Variants in SH3GL1 observed in about 807,000 individuals in gnomAD.
SH3GL1 encodes the protein SH3 domain containing GRB2 like 1, endophilin A2.
A neutral mutation model predicts 48.8 loss-of-function variants in SH3GL1; 21 were observed. The ratio of observed to expected loss-of-function variants is 0.43; its 90% CI spans 0.30 to 0.62. The LOEUF (loss-of-function observed/expected upper bound fraction) is 0.62, where lower values mean the gene tolerates loss of function less well. Ranked by LOEUF, SH3GL1 falls within the 20% of genes least tolerant of loss-of-function variation. The pLI is 0.11. For missense variants in SH3GL1, 454 were observed against 503.0 expected, an observed-to-expected ratio of 0.90 and a Z score of 0.93; for synonymous variants, 282 against 217.5, an observed-to-expected ratio of 1.30 and a Z score of -2.61.
rs979350496 is a variant in SH3GL1, at chr19:4,362,809, G to A, written c.729-73C>T. 4 of 1,605,252 alleles carry A rather than the reference G, an allele frequency of 2.5e-6. No individual in the cohort carries two copies. The African/African-American group carries it at 5.3e-5, about 21-fold the overall frequency. On this transcript the variant is annotated intron_variant, in intron 7 of 9. Coordinates refer to ENST00000269886, the MANE Select transcript of SH3GL1 (RefSeq NM_003025.4). ...GCAGCCCCACTCTTGTATTTATGCT[G>A]CTGCCTAATGACCTGGCCTGGGACT...
intron 1 of SH3GL1, among the ~76,000 whole-genome samples, chr19:4,387,720 T>C (rs1233316608): frequency 6.6e-6 from 1 of 152,144 alleles, no homozygotes; most frequent in Non-Finnish European, 1.5e-5. Context: ...TGTGTTGTTT[T>C]GTTTTTGAGG....
chr19:4,374,147 T>C (rs1383215463), intron 1 of SH3GL1, among the ~76,000 whole-genome samples: 3 of 152,170 alleles, frequency 2.0e-5, no homozygotes, highest in Non-Finnish European at 4.4e-5. Flanking sequence ...ATCCTCCAGA[T>C]GGGCCCTGGA....
intron 1 of SH3GL1, among the ~76,000 whole-genome samples, chr19:4,369,820 C>T (rs981355644): frequency 3.9e-5 from 6 of 152,388 alleles, no homozygotes; most frequent in Middle Eastern, 3.4e-3. Context: ...TGGTCCCCCA[C>T]GGGCCAGGCA....
At chr19:4,377,187 A>C (rs1012878952) in intron 1 of SH3GL1, among the ~76,000 whole-genome samples, 1 of 152,328 alleles carries the variant, frequency 6.6e-6, no homozygotes, top group Non-Finnish European at 1.5e-5. Flanking sequence ...GGACCCAGCT[A>C]CCACATTTGG....
At chr19:4,372,875 C>T (rs754018158) in intron 1 of SH3GL1, among the ~76,000 whole-genome samples, 4 of 152,234 alleles carry the variant, frequency 2.6e-5, no homozygotes, top group Non-Finnish European at 4.4e-5. Context: ...TCAGTGGCCC[C>T]AGTGGCATGG....
chr19:4,364,238 G>A lies in SH3GL1; in HGVS notation c.332-17C>T. ...ATGCGTCACCTGTGGAGAAGTGGTGGGGGAAGCCATCATACCGGGCCTGGG... is the reference window on the plus strand; with the variant it reads ...ATGCGTCACCTGTGGAGAAGTGGTGAGGGAAGCCATCATACCGGGCCTGGG... On this transcript the variant is annotated splice_polypyrimidine_tract_variant and intron_variant, in intron 4 of 9. Transcript: ENST00000269886. The A allele has an allele frequency of 6.2e-7, 1 of 1,613,770 alleles. No homozygotes were observed.
chr19:4,391,828 A>C (rs975202858), intron 1 of SH3GL1, among the ~76,000 whole-genome samples: 1 of 152,224 alleles, frequency 6.6e-6, no homozygotes, highest in African/African-American at 2.4e-5. Context: ...AGCCAGAAAC[A>C]GAGTGAGCCC....
chr19:4,393,631 A>G (rs1043426588), intron 1 of SH3GL1, among the ~76,000 whole-genome samples: 16 of 151,438 alleles, frequency 1.1e-4, no homozygotes, highest in African/African-American at 3.9e-4. Context: ...CTCTACTAAA[A>G]ATACAAAAAT....
chr19:4,367,885 CAG>C lies in SH3GL1; in HGVS notation c.46-893_46-892del, dbSNP rs1399728415. 6.6e-6 allele frequency among the ~76,000 whole-genome samples: 1 copy of C among 151,980 alleles called. No homozygotes were observed. Among genetic ancestry groups the C allele is most frequent in the Non-Finnish European group, 1.5e-5 (1 of 67,998 alleles). ...GTGCCTGGCGCCAAGGGATGCCGCACAGAGTGAGGATGGACAGTGTGAGGCCC... is the reference window on the plus strand; with the variant it reads ...GTGCCTGGCGCCAAGGGATGCCGCACAGTGAGGATGGACAGTGTGAGGCCC... On this transcript the variant is annotated intron_variant, in intron 1 of 9. Coordinates refer to ENST00000269886, the MANE Select transcript of SH3GL1 (RefSeq NM_003025.4). This position sits in a 1 kb window ranked among gnomAD's most constrained non-coding sequence, Gnocchi z 4.2.
At chr19:4,365,431 A>C (rs763046033) in intron 4 of SH3GL1, 51 bp downstream of exon 4, 1 of 1,609,818 alleles carries the variant, frequency 6.2e-7, no homozygotes, top group Non-Finnish European at 8.5e-7. Flanking sequence ...GCCTGTGTTG[A>C]GGTGTGGCCT....
chr19:4,364,742 GTTTTGTTTTGTTTTT>G (rs1210015987), intron 4 of SH3GL1: 1 of 155,190 alleles, frequency 6.4e-6, no homozygotes, highest in African/African-American at 2.5e-5. Flanking sequence ...GTTTTGTTTT[GTTTTGTTTTGTTTTT>G]TCATAGTCTC....
At chr19:4,385,418 G>GTA (rs890651158) in intron 1 of SH3GL1, among the ~76,000 whole-genome samples, 64 of 152,354 alleles carry the variant, frequency 4.2e-4, no homozygotes, top group African/African-American at 1.5e-3. Flanking sequence ...TCTGAATGCA[G>GTA]TAAGAGGCAA....
At chr19:4,364,564 G>C (rs1450108328) in intron 4 of SH3GL1, 2 of 307,102 alleles carry the variant, frequency 6.5e-6, no homozygotes, top group Admixed American at 9.4e-5. Context: ...CTGAGTAAGG[G>C]GGATTACAGG....
intron 6 of SH3GL1, 27 bp downstream of exon 6, chr19:4,363,693 C>A (rs1972690410): frequency 6.2e-7 from 1 of 1,612,144 alleles, no homozygotes; most frequent in East Asian, 2.2e-5. Flanking sequence ...TAGGTCTTCT[C>A]AGGATGTGAC....
intron 3 of SH3GL1, among the ~76,000 whole-genome samples, chr19:4,366,061 C>A (rs1265383550): frequency 1.3e-5 from 2 of 151,728 alleles, no homozygotes; most frequent in Admixed American, 6.5e-5. Context: ...CGTCTGCCCC[C>A]TGTCCGTGGC....
rs1420787386 is a variant in SH3GL1, at chr19:4,376,275, C to T, written c.46-9281G>A. Reference sequence around the variant, plus strand: ...ACCATGGGCATGAGTCACCTGTCACCAGAGCCTGGTGTCCCTGTGCAGCTG... The same window carrying T: ...ACCATGGGCATGAGTCACCTGTCACTAGAGCCTGGTGTCCCTGTGCAGCTG... On this transcript the variant is annotated intron_variant, in intron 1 of 9. Coordinates refer to ENST00000269886, the MANE Select transcript of SH3GL1 (RefSeq NM_003025.4). The surrounding 1 kb of genome is among the most constrained non-coding windows in gnomAD (Gnocchi z 4.3). 6.6e-6 allele frequency among the ~76,000 whole-genome samples: 1 copy of T among 152,190 alleles called. No individual in the cohort carries two copies.
intron 1 of SH3GL1, among the ~76,000 whole-genome samples, chr19:4,386,994 T>C (rs897069875): frequency 1.5e-4 from 22 of 150,610 alleles, no homozygotes; most frequent in African/African-American, 4.9e-4. Context: ...TGGAGTGCAG[T>C]GGTGCAATCT....
At chr19:4,386,311 A>G (rs1973233739) in intron 1 of SH3GL1, among the ~76,000 whole-genome samples, 1 of 152,114 alleles carries the variant, frequency 6.6e-6, no homozygotes, top group Non-Finnish European at 1.5e-5. Flanking sequence ...TTCCTTCCGC[A>G]GGGGGCTTCC....
chr19:4,360,404 A>G lies in SH3GL1; in HGVS notation c.*1196T>C, dbSNP rs1972570898. The G allele has an allele frequency of 4.0e-6, 1 of 247,878 alleles. No homozygotes were observed. Among genetic ancestry groups the G allele is most frequent in the Admixed American group, 5.3e-5 (1 of 18,898 alleles). 15.4% of individuals were successfully genotyped at this position (247,878 alleles called of 1,614,324 possible). A position where few individuals can be genotyped will look rare whatever the true frequency, so the allele number is the denominator to read the frequency against. On this transcript the variant is annotated 3_prime_UTR_variant, in exon 10 of 10. Coordinates refer to ENST00000269886, the MANE Select transcript of SH3GL1 (RefSeq NM_003025.4). The stretch of plus-strand genomic sequence containing the variant: ...AGACATTTAATACTTCTGTTTACAA[A>G]ATTCAGGCGTACATTTCAGTTTGCC...
Sources: allele counts gnomAD v4.1 joint callset (sites outside exome capture counted in the v4.1 genomes callset), GRCh38; gene constraint gnomAD v4.1.1; non-coding constraint Gnocchi (gnomAD v3.1); transcripts MANE v1.5; gene names NCBI Gene and HGNC (gene_info 2026-07-23, HGNC 2026-07-21).